GCA: variants seen among roughly 807,000 people sequenced by gnomAD.
The protein encoded by GCA is grancalcin.
A neutral mutation model predicts 32.6 loss-of-function variants in GCA; 30 were observed. The observed-to-expected ratio is 0.92, with a 90% CI of 0.69 to 1.25. The LOEUF is 1.25. Among genes scored for constraint, GCA ranks in the 50% most tolerant of loss-of-function variants. The pLI, the probability that GCA is intolerant of heterozygous loss-of-function variation, is 0.00. For missense variants in GCA, 291 were observed against 266.8 expected, an observed-to-expected ratio of 1.09 and a Z score of -0.63; for synonymous variants, 102 against 84.6, an observed-to-expected ratio of 1.21 and a Z score of -1.13.
chr2:162,359,213 A>T (rs1459783057), intron 6 of GCA, 56 bp downstream of exon 6: 1 of 930,526 alleles, frequency 1.1e-6, no homozygotes, highest in Non-Finnish European at 1.7e-6. Flanking sequence ...TTCTTGAATA[A>T]TGTGTCTCAT....
In GCA at chr2:162,323,405, T is replaced by C. The variant is rs1683755173; in HGVS notation, c.-31+4180T>C. ...TTTCTTTTGCTGTGCAGAAGCTCTT[T>C]AGTTTAATTAGATACCGTTTGTCAA... is the stretch of plus-strand genomic sequence containing the variant. On this transcript the variant is annotated intron_variant, in intron 1 of 4. Coordinates refer to the GCA transcript ENST00000429691. 3.3e-5 allele frequency among the ~76,000 whole-genome samples: 5 copies of C among 151,916 alleles called. No individual in the cohort carries two copies. The South Asian group carries it at 1.0e-3, about 31-fold the overall frequency.
chr2:162,330,522 T>A (rs1684039436), intron 1 of GCA, among the ~76,000 whole-genome samples: 1 of 152,182 alleles, frequency 6.6e-6, no homozygotes, highest in Admixed American at 6.5e-5. Context: ...ATATCTCCAA[T>A]AGGTAGTGCT....
chr2:162,335,490 G>T (rs1387034087), intron 1 of GCA, among the ~76,000 whole-genome samples: 1 of 152,086 alleles, frequency 6.6e-6, no homozygotes, highest in African/African-American at 2.4e-5. Flanking sequence ...GTGAGTTAAG[G>T]TTGGGTTAAG....
intron 2 of GCA, among the ~76,000 whole-genome samples, chr2:162,349,229 A>G (rs981555295): frequency 1.3e-5 from 2 of 152,134 alleles, no homozygotes; most frequent in Non-Finnish European, 2.9e-5. Flanking sequence ...TGAATTAACT[A>G]TCCTGAAATA....
rs1437986305 is a variant in GCA, at chr2:162,361,304, A to C, written c.*1061A>C. Reference sequence around the variant, plus strand: ...GCCGAAAATGCGACGTAGAATCACCAGATCTTTAGTGTTTAATATCCCTGG... The same window carrying C: ...GCCGAAAATGCGACGTAGAATCACCCGATCTTTAGTGTTTAATATCCCTGG... On this transcript the variant is annotated 3_prime_UTR_variant, in exon 8 of 8. Coordinates refer to ENST00000437150, the MANE Select transcript of GCA (RefSeq NM_012198.5). 1.0e-6 allele frequency: 1 copy of C among 984,540 alleles called. No homozygotes were observed. Among genetic ancestry groups the C allele is most frequent in the Non-Finnish European group, 1.2e-6 (1 of 829,414 alleles). 61.0% of individuals were successfully genotyped at this position (984,540 alleles called of 1,614,324 possible). A position where few individuals can be genotyped will look rare whatever the true frequency, so the allele number is the denominator to read the frequency against.
chr2:162,340,204 T>C (rs1158942599), upstream of GCA, among the ~76,000 whole-genome samples: 1 of 152,152 alleles, frequency 6.6e-6, no homozygotes, highest in Non-Finnish European at 1.5e-5. Flanking sequence ...GAGTGGTTGG[T>C]AGGCACCCTC....
intron 1 of GCA, among the ~76,000 whole-genome samples, chr2:162,323,956 G>A (rs191333510): frequency 5.3e-5 from 8 of 152,040 alleles, no homozygotes; most frequent in Non-Finnish European, 1.0e-4. Flanking sequence ...AAAGTCATTG[G>A]TAGCTTGATG....
Position 162,359,520 on chromosome 2 carries a change from C to G in GCA, c.595C>G (p.Gln199Glu). 6.5e-7 allele frequency: 1 copy of G among 1,545,082 alleles called. No homozygotes were observed. Among genetic ancestry groups the G allele is most frequent in the African/African-American group, 1.4e-5 (1 of 73,042 alleles). ...TDFFRKRDHL[Q>E]QGSANFIYDD... ...TTTCTTTAGGAAAAGAGACCACTTG[C>G]AACAAGGGTCTGCGAATTTCATATA... The change falls in exon 7 of 8, where the codon CAA (glutamine) becomes GAA (glutamate). Residue 199 changes from glutamine (Q) to glutamate (E), a missense_variant. Physicochemically the swap from Gln to Glu is conservative, Grantham distance 29 (BLOSUM62 2). Transcript: ENST00000437150.
rs75309110 is a variant in GCA at position 162,320,156 on chromosome 2, A to G, written c.-31+931A>G. Among the ~76,000 whole-genome samples, 605 of 152,312 alleles carry G rather than the reference A, an allele frequency of 4.0e-3. 9 individuals are homozygous for G. Among genetic ancestry groups the G allele is most frequent in the African/African-American group, 0.014 (564 of 41,556 alleles). On this transcript the variant is annotated intron_variant, in intron 1 of 4. Transcript: ENST00000429691. ...TAGCAGCTGGCATAATGTTAAATAC[A>G]CTGAAAGTTGAAGTAAATGAAACCT...
downstream of GCA, chr2:162,373,549 C>T (rs1477565910): frequency 3.1e-6 from 5 of 1,592,174 alleles, no homozygotes; most frequent in Non-Finnish European, 4.3e-6. Context: ...GATGATGGGT[C>T]TCTGATATTC....
downstream of GCA, among the ~76,000 whole-genome samples, chr2:162,364,822 T>A (rs1260642957): frequency 6.6e-6 from 1 of 151,612 alleles, no homozygotes; most frequent in Non-Finnish European, 1.5e-5. Flanking sequence ...AGCAAACGTA[T>A]GTTATAAAAA....
chr2:162,331,166 A>T (rs1028956057), intron 1 of GCA, among the ~76,000 whole-genome samples: 3 of 152,214 alleles, frequency 2.0e-5, no homozygotes, highest in African/African-American at 7.2e-5. Context: ...GGCACTAAAT[A>T]TACTACAAAA....
intron 1 of GCA, among the ~76,000 whole-genome samples, chr2:162,337,098 C>T (rs980894706): frequency 6.6e-6 from 1 of 152,188 alleles, no homozygotes; most frequent in Non-Finnish European, 1.5e-5. Context: ...TCACTCTTCT[C>T]TACATTGCTC....
In GCA at chr2:162,347,712, G is replaced by T; in HGVS notation, c.162G>T (p.Val54=). The change falls in exon 2 of 8, where the codon GTG becomes GTT. Residue 54 remains valine, a synonymous_variant. Transcript: ENST00000437150. ...CTTATTCCTCAGCTGGTGACTCCGTGTATACTTACTTCAGTGCTGTTGCTG... is the reference window on the plus strand; with the variant it reads ...CTTATTCCTCAGCTGGTGACTCCGTTTATACTTACTTCAGTGCTGTTGCTG... The part of the protein sequence containing the change: ...SDTYSSAGDS[V]YTYFSAVAGQ... 1 of 1,589,960 alleles carries T rather than the reference G, an allele frequency of 6.3e-7. No homozygotes were observed. Among genetic ancestry groups the T allele is most frequent in the Non-Finnish European group, 8.6e-7 (1 of 1,165,840 alleles).
upstream of GCA, among the ~76,000 whole-genome samples, chr2:162,343,717 T>C (rs1227215632): frequency 6.6e-6 from 1 of 152,202 alleles, no homozygotes; most frequent in Admixed American, 6.5e-5. Flanking sequence ...CTGCAAAATT[T>C]TGAAATTCAC....
In GCA at chr2:162,362,365, C is replaced by T. The variant is rs1685608796; in HGVS notation, c.*2122C>T. 1 of 980,302 alleles carries T rather than the reference C, an allele frequency of 1.0e-6. No individual in the cohort carries two copies. Among genetic ancestry groups the T allele is most frequent in the African/African-American group, 1.7e-5 (1 of 57,162 alleles). 60.7% of individuals were successfully genotyped at this position (980,302 alleles called of 1,614,324 possible). A position where few individuals can be genotyped will look rare whatever the true frequency, so the allele number is the denominator to read the frequency against. Reference sequence around the variant, plus strand: ...AACTTATGTTAACAAAAACATTAGGCCTAGAGAATATTTTACCAGAATTTT... The same window carrying T: ...AACTTATGTTAACAAAAACATTAGGTCTAGAGAATATTTTACCAGAATTTT... On this transcript the variant is annotated 3_prime_UTR_variant, in exon 8 of 8. Transcript: ENST00000437150.
downstream of GCA, among the ~76,000 whole-genome samples, chr2:162,367,450 A>T (rs140806739): frequency 1.6e-3 from 239 of 152,120 alleles, no homozygotes; most frequent in African/African-American, 5.2e-3. Context: ...ACAGTGAGCC[A>T]GCCTTTATAG....
At chr2:162,366,245 A>G (rs952169099), downstream of GCA, among the ~76,000 whole-genome samples, 5 of 151,740 alleles carry the variant, frequency 3.3e-5, no homozygotes, top group Admixed American at 2.6e-4. Context: ...AATAAGTACT[A>G]TTTTACTGGC....
upstream of GCA, among the ~76,000 whole-genome samples, chr2:162,340,792 A>G (rs1183670844): frequency 6.6e-6 from 1 of 152,134 alleles, no homozygotes; most frequent in Admixed American, 6.5e-5. Flanking sequence ...GTTTTGCTTT[A>G]GGACCTTAAC....
Sources: allele counts gnomAD v4.1 joint callset (sites outside exome capture counted in the v4.1 genomes callset), GRCh38; gene constraint gnomAD v4.1.1; transcripts MANE v1.5; gene names NCBI Gene and HGNC (gene_info 2026-07-23, HGNC 2026-07-21).